PLS1: variants seen among roughly 807,000 people sequenced by gnomAD.
PLS1 encodes plastin-1.
A neutral mutation model predicts 73.7 loss-of-function variants in PLS1; 32 were observed. The observed-to-expected ratio is 0.43, with a 90% CI of 0.33 to 0.58. PLS1 has a LOEUF of 0.58. PLS1 is among the 20% of genes least tolerant of loss of function. The probability of loss-of-function intolerance (pLI) is 0.04; values close to 1 mark genes in which losing one functional copy is unlikely to be tolerated. For missense variants in PLS1, 633 were observed against 740.5 expected (o/e 0.85, Z 1.68); for synonymous variants, 217 against 261.3 (o/e 0.83, Z 1.63).
intron 1 of PLS1, among the ~76,000 whole-genome samples, chr3:142,598,145 T>A (rs1266824573): frequency 1.3e-5 from 2 of 152,184 alleles, no homozygotes; most frequent in Non-Finnish European, 2.9e-5. Context: ...CCTATAGCAC[T>A]TACTACTGTT....
chr3:142,708,481 C>T (rs1037621173), intron 14 of PLS1, among the ~76,000 whole-genome samples: 2 of 152,316 alleles, frequency 1.3e-5, no homozygotes, highest in Non-Finnish European at 1.5e-5. Context: ...CTCCTGACCT[C>T]CTGATCTGCC....
At chr3:142,679,549 G>A (rs1042910323) in intron 6 of PLS1, among the ~76,000 whole-genome samples, 62 of 152,300 alleles carry the variant, frequency 4.1e-4, no homozygotes, top group Admixed American at 3.6e-3. Context: ...CCCATTGCTT[G>A]TTTTTCTCCA....
intron 4 of PLS1, among the ~76,000 whole-genome samples, chr3:142,672,339 C>CCT (rs1255357991): frequency 4.2e-5 from 5 of 118,398 alleles, no homozygotes; most frequent in African/African-American, 1.7e-4. Flanking sequence ...ATGAAGTGTA[C>CCT]TTTTTTTTTT....
At chr3:142,599,648 A>G (rs1196799300) in intron 1 of PLS1, among the ~76,000 whole-genome samples, 1 of 152,086 alleles carries the variant, frequency 6.6e-6, no homozygotes, top group South Asian at 2.1e-4. Flanking sequence ...TAACTAAGCT[A>G]GTTAGTGGGA....
chr3:142,673,272 C>T (rs1198528378), intron 4 of PLS1, among the ~76,000 whole-genome samples: 3 of 152,126 alleles, frequency 2.0e-5, no homozygotes, highest in Non-Finnish European at 2.9e-5. Flanking sequence ...ATCTTGAACT[C>T]CTGGGTTCGA....
chr3:142,643,759 C>T (rs1237855090), intron 1 of PLS1, among the ~76,000 whole-genome samples: 1 of 151,638 alleles, frequency 6.6e-6, no homozygotes, highest in Non-Finnish European at 1.5e-5. Flanking sequence ...TAGTTGAATT[C>T]TCTTTAAAAC....
Position 142,711,936 on chromosome 3 carries a change from G to T in PLS1, c.1819G>T (p.Glu607Ter). 1 of 1,613,392 alleles carries T rather than the reference G, an allele frequency of 6.2e-7. No individual in the cohort carries two copies. Among genetic ancestry groups the T allele is most frequent in the Non-Finnish European group, 8.5e-7 (1 of 1,179,352 alleles). ...ATATGCATTACCTGATGACCTCGTA[G>T]AAGTGAAACCAAAGATGGTTATGAC... Reference protein sequence around the residue: ...RIYALPDDLVEVKPKMVMTVF... With the variant: ...RIYALPDDLV Residue 607 changes from glutamate (E) to a stop codon, truncating the protein, a stop_gained, in exon 16 of 16, where the codon GAA becomes TAA. Coordinates refer to ENST00000457734, the MANE Select transcript of PLS1 (RefSeq NM_001145319.2). LOFTEE classifies it high-confidence loss of function.
chr3:142,699,887 T>C (rs1267594192), intron 12 of PLS1, among the ~76,000 whole-genome samples: 1 of 152,200 alleles, frequency 6.6e-6, no homozygotes, highest in Non-Finnish European at 1.5e-5. Context: ...TTCTAGTCAT[T>C]GGACTGCCTG....
intron 11 of PLS1, among the ~76,000 whole-genome samples, chr3:142,697,300 AT>A (rs1455499670): frequency 1.3e-5 from 2 of 152,148 alleles, no homozygotes; most frequent in African/African-American, 4.8e-5. Context: ...AGCTATTGTG[AT>A]TTTCCTGTAA....
At chr3:142,685,633 T>C (rs2037948425) in intron 8 of PLS1, among the ~76,000 whole-genome samples, 1 of 152,188 alleles carries the variant, frequency 6.6e-6, no homozygotes, top group Non-Finnish European at 1.5e-5. Flanking sequence ...TCTCAGATAG[T>C]TGGACTTCTT....
At chr3:142,644,869 A>G (rs537977998) in intron 1 of PLS1, among the ~76,000 whole-genome samples, 1 of 152,346 alleles carries the variant, frequency 6.6e-6, no homozygotes, top group African/African-American at 2.4e-5. Flanking sequence ...AGTGAGAAAC[A>G]ATTTCCAGAG....
In PLS1 at chr3:142,712,155, C is replaced by A; in HGVS notation, c.*148C>A. Reference sequence around the variant, plus strand: ...TAATGAATTCAATATCCTGTTCATACTAGTTAGAGCTGGTCAGCCTTTTTG... The same window carrying A: ...TAATGAATTCAATATCCTGTTCATAATAGTTAGAGCTGGTCAGCCTTTTTG... On this transcript the variant is annotated 3_prime_UTR_variant, in exon 16 of 16. Transcript: ENST00000457734. The A allele has an allele frequency of 3.0e-6, 2 of 660,058 alleles. No homozygotes were observed. The highest frequency in any genetic ancestry group is 4.9e-6 in the Non-Finnish European group (2 of 404,942). 40.9% of individuals were successfully genotyped at this position (660,058 alleles called of 1,614,324 possible). A position where few individuals can be genotyped will look rare whatever the true frequency, so the allele number is the denominator to read the frequency against.
intron 14 of PLS1, among the ~76,000 whole-genome samples, chr3:142,708,963 A>G (rs895716768): frequency 2.0e-4 from 31 of 152,324 alleles, no homozygotes; most frequent in Non-Finnish European, 3.5e-4. Flanking sequence ...GGGTGGGAAA[A>G]ATACTTGTTT....
Position 142,689,796 on chromosome 3 carries a change from A to C in PLS1, c.1160A>C (p.Asp387Ala). ...CACAAGCCGAATAATAATGACATCG[A>C]TATGAATTTACTGGAAGGTGCGTTC... ...CLHKPNNNDIDMNLLEGESKE... is the reference protein window; with the variant it reads ...CLHKPNNNDIAMNLLEGESKE... Residue 387 changes from aspartate to alanine, a missense_variant, in exon 10 of 16, where the codon GAT (aspartate) becomes GCT (alanine). By Grantham distance (126) the Asp-to-Ala change is moderately radical. Transcript: ENST00000457734. 1.3e-6 allele frequency: 2 copies of C among 1,587,468 alleles called. No individual in the cohort carries two copies. Among genetic ancestry groups the C allele is most frequent in the Non-Finnish European group, 1.7e-6 (2 of 1,167,046 alleles).
intron 11 of PLS1, 88 bp from the exon 12 acceptor site, chr3:142,697,865 G>T (rs1018901878): frequency 4.3e-6 from 3 of 691,768 alleles, no homozygotes; most frequent in Non-Finnish European, 7.8e-6. Context: ...TGTTCTTAAA[G>T]ATATAAGTCT....
rs1020411292 is a variant in PLS1, at chr3:142,711,939, G to A, written c.1822G>A (p.Val608Met). 6.2e-7 allele frequency: 1 copy of A among 1,613,318 alleles called. No homozygotes were observed. Among genetic ancestry groups the A allele is most frequent in the Non-Finnish European group, 8.5e-7 (1 of 1,179,280 alleles). Reference sequence around the variant, plus strand: ...TGCATTACCTGATGACCTCGTAGAAGTGAAACCAAAGATGGTTATGACGGT... The same window carrying A: ...TGCATTACCTGATGACCTCGTAGAAATGAAACCAAAGATGGTTATGACGGT... ...IYALPDDLVE[V>M]KPKMVMTVFA... The change falls in exon 16 of 16, where the codon GTG becomes ATG. Residue 608 changes from valine (V) to methionine (M), a missense_variant. Coordinates refer to ENST00000457734, the MANE Select transcript of PLS1 (RefSeq NM_001145319.2).
chr3:142,599,729 GGTT>G (rs1388364182), intron 1 of PLS1, among the ~76,000 whole-genome samples: 1 of 151,414 alleles, frequency 6.6e-6, no homozygotes, highest in East Asian at 1.9e-4. Context: ...TACTTTTTGA[GGTT>G]GTTGGCCCCA....
intron 1 of PLS1, among the ~76,000 whole-genome samples, chr3:142,629,199 ATTT>A (rs11304758): frequency 2.7e-5 from 4 of 145,612 alleles, no homozygotes; most frequent in African/African-American, 7.6e-5. Flanking sequence ...ATTGGAAATA[ATTT>A]TTTTTTTTTT....
intron 1 of PLS1, among the ~76,000 whole-genome samples, chr3:142,652,792 CTTGTTTGTTTTT>C (rs369480980): frequency 0.011 from 1,706 of 152,270 alleles, 38 homozygotes; most frequent in African/African-American, 0.039. Flanking sequence ...TGTTTGTTTG[CTTGTTTGTTTTT>C]GGCATGCTGA....
Sources: allele counts gnomAD v4.1 joint callset (sites outside exome capture counted in the v4.1 genomes callset), GRCh38; gene constraint gnomAD v4.1.1; transcripts MANE v1.5; gene names NCBI Gene and HGNC (gene_info 2026-07-23, HGNC 2026-07-21).